CPQ: variants seen among roughly 807,000 people sequenced by gnomAD.
The protein encoded by CPQ is Ser-Met dipeptidase.
In CPQ, 37 loss-of-function variants were observed where a neutral mutation model predicts 45.7. The ratio of observed to expected loss-of-function variants is 0.81; its 90% CI spans 0.62 to 1.07. CPQ has a LOEUF of 1.07. Among genes scored for constraint, CPQ ranks in the 50% least tolerant of loss-of-function variants. The probability of loss-of-function intolerance (pLI) is 0.00; values close to 1 mark genes in which losing one functional copy is unlikely to be tolerated. For missense variants in CPQ, 537 were observed against 572.9 expected (o/e 0.94, Z 0.64); for synonymous variants, 186 against 205.8 (o/e 0.90, Z 0.82).
At chr8:96,936,292 C>T (rs942714534) in intron 4 of CPQ, among the ~76,000 whole-genome samples, 1 of 152,106 alleles carries the variant, frequency 6.6e-6, no homozygotes, top group East Asian at 1.9e-4. Context: ...GAAGTTTTGC[C>T]TAACATCTTT....
chr8:96,909,156 G>A (rs1408702545), intron 4 of CPQ, among the ~76,000 whole-genome samples: 1 of 152,152 alleles, frequency 6.6e-6, no homozygotes. Flanking sequence ...GATCTTGGGG[G>A]AGAGAAAGGA....
chr8:96,921,186 C>T (rs1191820970), intron 4 of CPQ, among the ~76,000 whole-genome samples: 3 of 152,060 alleles, frequency 2.0e-5, no homozygotes, highest in Non-Finnish European at 4.4e-5. Context: ...ATTTCAATCC[C>T]CCTTTCTTTT....
intron 7 of CPQ, among the ~76,000 whole-genome samples, chr8:97,100,829 T>C (rs1811291143): frequency 6.6e-6 from 1 of 152,134 alleles, no homozygotes; most frequent in Admixed American, 6.6e-5. Context: ...GGAAGAAATA[T>C]GTTAAAAAAT....
chr8:97,080,029 C>T (rs565994020), intron 7 of CPQ, among the ~76,000 whole-genome samples: 2 of 152,142 alleles, frequency 1.3e-5, no homozygotes, highest in Admixed American at 6.5e-5. Context: ...GGGCAGGCTC[C>T]GGCTAACCCA....
chr8:96,665,026 A>G (rs1808900626), intron 1 of CPQ, among the ~76,000 whole-genome samples: 2 of 152,334 alleles, frequency 1.3e-5, no homozygotes, highest in South Asian at 4.1e-4. Context: ...ATTTAAACTC[A>G]GACTGTGGGG....
intron 5 of CPQ, among the ~76,000 whole-genome samples, chr8:96,991,817 ATGT>A (rs1326031375): frequency 6.6e-6 from 1 of 152,006 alleles, no homozygotes; most frequent in Non-Finnish European, 1.5e-5. Context: ...ATTATGTTTG[ATGT>A]TGTTGTTATG....
chr8:96,777,798 G>T lies in CPQ; in HGVS notation c.-34-7066G>T, dbSNP rs182978237. 1.0e-3 allele frequency among the ~76,000 whole-genome samples: 81 copies of T among 77,744 alleles called. 3 individuals are homozygous for T. In the East Asian group the frequency reaches 0.021, roughly 20 times the overall value. The allele number at this position is 77,744 out of a possible 152,430, so 51.0% of individuals were successfully genotyped here. On this transcript the variant is annotated intron_variant, in intron 1 of 7. Coordinates refer to ENST00000220763, the MANE Select transcript of CPQ (RefSeq NM_016134.4). ...TTTTTTTTTTTTTTTTTTTTTTCTG[G>T]ACTCACTGCAAACTCTGCCTCCCTG...
chr8:96,889,126 G>A (rs1812341603), intron 4 of CPQ, among the ~76,000 whole-genome samples: 1 of 152,224 alleles, frequency 6.6e-6, no homozygotes, highest in Admixed American at 6.5e-5. Context: ...CATGCCATGT[G>A]AAGGGCCAGG....
At chr8:97,111,760 GA>G (rs977400520) in intron 7 of CPQ, among the ~76,000 whole-genome samples, 28 of 152,298 alleles carry the variant, frequency 1.8e-4, no homozygotes, top group African/African-American at 6.5e-4. Context: ...TTCCAAGGGG[GA>G]CAAGAAACAT....
chr8:96,907,663 G>A (rs1214366593), intron 4 of CPQ, among the ~76,000 whole-genome samples: 1 of 151,940 alleles, frequency 6.6e-6, no homozygotes, highest in Non-Finnish European at 1.5e-5. Context: ...TGTTTCCTTT[G>A]ATGTGTTGTT....
intron 6 of CPQ, among the ~76,000 whole-genome samples, chr8:97,038,051 C>T (rs1810033175): frequency 6.6e-6 from 1 of 152,160 alleles, no homozygotes; most frequent in Non-Finnish European, 1.5e-5. Context: ...AAGACCTTGC[C>T]TACCATTCTG....
At chr8:96,912,331 G>C (rs1413314016) in intron 4 of CPQ, among the ~76,000 whole-genome samples, 7 of 152,158 alleles carry the variant, frequency 4.6e-5, no homozygotes, top group African/African-American at 2.4e-5. Flanking sequence ...TGTGAGCAAG[G>C]TGGTAAGAAA....
intron 7 of CPQ, among the ~76,000 whole-genome samples, chr8:97,086,396 T>C (rs1811041309): frequency 2.0e-5 from 3 of 152,178 alleles, no homozygotes; most frequent in Admixed American, 2.0e-4. Flanking sequence ...TATTGCTGTT[T>C]CTGTTTTACG....
chr8:96,687,329 C>T (rs943422320), intron 1 of CPQ, among the ~76,000 whole-genome samples: 1 of 152,208 alleles, frequency 6.6e-6, no homozygotes, highest in Admixed American at 6.5e-5. Context: ...TCTCCTGCCT[C>T]AGTCTCCTGA....
At chr8:97,007,778 A>G (rs748104404) in intron 5 of CPQ, among the ~76,000 whole-genome samples, 10 of 152,218 alleles carry the variant, frequency 6.6e-5, no homozygotes, top group Non-Finnish European at 1.2e-4. Context: ...ATTGCTCATA[A>G]TAAAGGACGA....
intron 5 of CPQ, among the ~76,000 whole-genome samples, chr8:96,982,345 G>T (rs528298635): frequency 6.6e-6 from 1 of 152,114 alleles, no homozygotes; most frequent in East Asian, 1.9e-4. Context: ...TCTCATCCAG[G>T]TCTTTTATTT....
intron 4 of CPQ, among the ~76,000 whole-genome samples, chr8:96,938,652 G>T (rs10111306): frequency 0.017 from 2,568 of 152,136 alleles, 84 homozygotes; most frequent in African/African-American, 0.059. Context: ...ACAGGAAAGG[G>T]GCTGGGAATA....
At position 96,808,623 on chromosome 8, in the gene CPQ, T is replaced by C. The variant is rs985370313; in HGVS notation, c.433+23293T>C. Among the ~76,000 whole-genome samples, 72 of 152,284 alleles carry C rather than the reference T, an allele frequency of 4.7e-4. 2 individuals carry two copies. Among genetic ancestry groups the C allele is most frequent in the African/African-American group, 1.6e-3 (66 of 41,550 alleles). On this transcript the variant is annotated intron_variant, in intron 2 of 7. Coordinates refer to ENST00000220763, the MANE Select transcript of CPQ (RefSeq NM_016134.4). Reference sequence around the variant, plus strand: ...GAAAGGTATCCTCTTATCAATCGAATTGTAGTTCAAATATGCTGTAAACCC... The same window carrying C: ...GAAAGGTATCCTCTTATCAATCGAACTGTAGTTCAAATATGCTGTAAACCC...
intron 1 of CPQ, among the ~76,000 whole-genome samples, chr8:96,698,711 G>T (rs1809417997): frequency 1.3e-5 from 2 of 151,452 alleles, no homozygotes; most frequent in Middle Eastern, 3.4e-3. Context: ...TCAAAAGAAG[G>T]CAAACAAGTG....
Sources: gnomAD v4.1 joint callset for allele counts (sites outside exome capture counted in the v4.1 genomes callset) on GRCh38, gnomAD v4.1.1 for gene constraint, MANE v1.5 for transcripts, NCBI Gene and HGNC (gene_info 2026-07-23, HGNC 2026-07-21) for gene names.